Variants in SLCO1C1 observed in about 807,000 individuals in gnomAD.
The protein encoded by SLCO1C1 is OAT-RP-5.
Under a neutral mutation model 76.4 loss-of-function variants are expected in SLCO1C1, and 70 were observed. That is an observed-to-expected ratio of 0.92 (90% CI 0.76 to 1.12). SLCO1C1 has a LOEUF of 1.12. Among genes scored for constraint, SLCO1C1 ranks in the 50% most tolerant of loss-of-function variants. SLCO1C1 has a pLI of 0.00. For synonymous variants in SLCO1C1, 306 were observed against 286.1 expected (o/e 1.07, Z -0.70); for missense variants, 912 against 823.8 (o/e 1.11, Z -1.31).
At chr12:20,749,885 T>C (rs1377180933) in intron 13 of SLCO1C1, among the ~76,000 whole-genome samples, 1 of 152,204 alleles carries the variant, frequency 6.6e-6, no homozygotes, top group Non-Finnish European at 1.5e-5. Context: ...CAAACTTGGA[T>C]TTTAAAAGTG....
chr12:20,710,621 G>T (rs12304822), intron 4 of SLCO1C1, among the ~76,000 whole-genome samples: 17,954 of 152,060 alleles, frequency 0.12, 2,205 homozygotes, highest in African/African-American at 0.31. Flanking sequence ...TATACACAGG[G>T]GAAAGGGTGG....
rs571383074 is a variant in SLCO1C1, at chr12:20,743,458, T to C, written c.1798+89T>C. The C allele has an allele frequency of 3.0e-5, 31 of 1,037,314 alleles. No homozygotes were observed. The African/African-American group carries it at 3.5e-4, about 12-fold the overall frequency. 64.3% of individuals were successfully genotyped at this position (1,037,314 alleles called of 1,614,324 possible). ...AATATTTTTACAGAATTGCCATGCATAAATATATGTTGTAGGTGGCAAAGT... is the reference window on the plus strand; with the variant it reads ...AATATTTTTACAGAATTGCCATGCACAAATATATGTTGTAGGTGGCAAAGT... On this transcript the variant is annotated intron_variant, in intron 13 of 14. Coordinates refer to ENST00000266509, the MANE Select transcript of SLCO1C1 (RefSeq NM_017435.5).
At chr12:20,708,479 A>G (rs1442390867) in intron 4 of SLCO1C1, among the ~76,000 whole-genome samples, 1 of 152,176 alleles carries the variant, frequency 6.6e-6, no homozygotes, top group East Asian at 1.9e-4. Context: ...GTAAAGACAC[A>G]TAAGGAGTAT....
chr12:20,737,020 A>G (rs1194627859), intron 10 of SLCO1C1, 87 bp from the exon 11 acceptor site: 36 of 1,202,594 alleles, frequency 3.0e-5, no homozygotes, highest in Non-Finnish European at 3.9e-5. Context: ...AGTATCATTT[A>G]TATCACTCAA....
chr12:20,746,823 T>TTC (rs71442273), intron 13 of SLCO1C1, among the ~76,000 whole-genome samples: 1,642 of 150,052 alleles, frequency 0.011, 33 homozygotes, highest in South Asian at 0.044. Context: ...CTTTTTTTTT[T>TTC]CAAAAACCAT....
At chr12:20,744,684 T>C (rs761418570) in intron 13 of SLCO1C1, among the ~76,000 whole-genome samples, 1 of 152,170 alleles carries the variant, frequency 6.6e-6, no homozygotes, top group Non-Finnish European at 1.5e-5. Context: ...TATACATTGC[T>C]GTTGGGAAAA....
At chr12:20,705,427 A>G (rs1472112327) in intron 3 of SLCO1C1, among the ~76,000 whole-genome samples, 1 of 152,020 alleles carries the variant, frequency 6.6e-6, no homozygotes, top group Non-Finnish European at 1.5e-5. Context: ...TTTATTAACA[A>G]ATCATAAAGT....
At chr12:20,702,773 G>A (rs1283809467) in intron 3 of SLCO1C1, among the ~76,000 whole-genome samples, 1 of 151,746 alleles carries the variant, frequency 6.6e-6, no homozygotes, top group Non-Finnish European at 1.5e-5. Context: ...GAGGTAACTG[G>A]TGCAGATAAA....
intron 10 of SLCO1C1, among the ~76,000 whole-genome samples, chr12:20,736,336 T>TGGG (rs34046081): frequency 1.4e-3 from 203 of 144,802 alleles, no homozygotes; most frequent in African/African-American, 1.9e-3. Context: ...AAACCAATTT[T>TGGG]GGGGGGGGGT....
At chr12:20,739,811 G>C (rs1314625512) in intron 11 of SLCO1C1, among the ~76,000 whole-genome samples, 2 of 152,180 alleles carry the variant, frequency 1.3e-5, no homozygotes, top group Non-Finnish European at 2.9e-5. Context: ...GTGGAAAGCA[G>C]ATACTAGCTA....
intron 10 of SLCO1C1, among the ~76,000 whole-genome samples, chr12:20,735,194 T>A (rs1948482801): frequency 6.6e-6 from 1 of 152,196 alleles, no homozygotes; most frequent in South Asian, 2.1e-4. Context: ...CCAAACGCTG[T>A]CTTGACCTGA....
intron 7 of SLCO1C1, among the ~76,000 whole-genome samples, chr12:20,717,690 T>TTTTTTTTTTTTTG: frequency 8.0e-6 from 1 of 124,650 alleles, no homozygotes; most frequent in Non-Finnish European, 1.6e-5. Context: ...TTTTTTTTTT[T>TTTTTTTTTTTTTG]TTACTCTGCA....
At chr12:20,722,717 G>C (rs1211568920) in intron 8 of SLCO1C1, among the ~76,000 whole-genome samples, 1 of 152,210 alleles carries the variant, frequency 6.6e-6, no homozygotes, top group Non-Finnish European at 1.5e-5. Flanking sequence ...GAGGAATAGA[G>C]ACAAGAAAAG....
chr12:20,741,650 A>AT (rs1159766964), intron 12 of SLCO1C1, among the ~76,000 whole-genome samples: 26 of 152,082 alleles, frequency 1.7e-4, no homozygotes, highest in Non-Finnish European at 3.5e-4. Flanking sequence ...TTGTGCTCGA[A>AT]TTTTTTTTAC....
intron 1 of SLCO1C1, among the ~76,000 whole-genome samples, chr12:20,697,882 C>A (rs1198940323): frequency 6.6e-6 from 1 of 151,980 alleles, no homozygotes; most frequent in Non-Finnish European, 1.5e-5. Context: ...TTATTTTTGT[C>A]AAACTAATGG....
rs749543525 is a variant in SLCO1C1, at chr12:20,717,092, A to G, written c.677-40A>G. On this transcript the variant is annotated intron_variant, in intron 6 of 14. Transcript: ENST00000266509. ...TGTATTAATTTATCAAAGTAAAGAA[A>G]TGACAGCTTTTTTTTTTTCCTTTTC... 5.9e-6 allele frequency: 9 copies of G among 1,527,876 alleles called. No homozygotes were observed. The South Asian group carries it at 1.1e-4, about 18-fold the overall frequency. 94.6% of individuals were successfully genotyped at this position (1,527,876 alleles called of 1,614,324 possible).
At chr12:20,719,648 A>AAAACCTAATTCAGAACAAGGCC (rs1947554960) in intron 7 of SLCO1C1, among the ~76,000 whole-genome samples, 1 of 152,206 alleles carries the variant, frequency 6.6e-6, no homozygotes, top group African/African-American at 2.4e-5. Flanking sequence ...TCCTTAAGCC[A>AAAACCTAATTCAGAACAAGGCC]AAACCTAATT....
chr12:20,703,789 G>A (rs775670710), intron 3 of SLCO1C1, among the ~76,000 whole-genome samples: 20 of 151,518 alleles, frequency 1.3e-4, no homozygotes, highest in Admixed American at 5.9e-4. Context: ...ATACTATTCC[G>A]TTTGCTAATA....
At chr12:20,725,892 A>T (rs1370969794) in intron 9 of SLCO1C1, among the ~76,000 whole-genome samples, 1 of 151,770 alleles carries the variant, frequency 6.6e-6, no homozygotes, top group Non-Finnish European at 1.5e-5. Flanking sequence ...TTTACCTAAA[A>T]CTCTATTCTT....
Sources: allele counts gnomAD v4.1 joint callset (sites outside exome capture counted in the v4.1 genomes callset), GRCh38; gene constraint gnomAD v4.1.1; transcripts MANE v1.5; gene names NCBI Gene and HGNC (gene_info 2026-07-23, HGNC 2026-07-21).